Variants in CSMD1 observed in about 807,000 individuals in gnomAD.
CSMD1 encodes the protein CUB and Sushi multiple domains 1.
CSMD1 carries 213 observed loss-of-function variants against 417.5 expected under a neutral mutation model. The observed-to-expected ratio is 0.51, with a 90% CI of 0.46 to 0.57. CSMD1 has a LOEUF of 0.57. Among genes scored for constraint, CSMD1 ranks in the 20% least tolerant of loss-of-function variants. The probability of loss-of-function intolerance (pLI) is 0.00; values close to 1 mark genes in which losing one functional copy is unlikely to be tolerated. For synonymous variants in CSMD1, 2,862 were observed against 1,736.8 expected (o/e 1.65, Z -16.11); for missense variants, 6,923 against 4,529.7 (o/e 1.53, Z -15.17).
chr8:3,549,073 C>G (rs528969323), intron 10 of CSMD1, among the ~76,000 whole-genome samples: 112 of 152,326 alleles, frequency 7.4e-4, no homozygotes, highest in Middle Eastern at 3.4e-3. Context: ...CCACTTCCCT[C>G]TGCTGAAGCC....
rs781157638 is a variant in CSMD1 at position 4,601,985 on chromosome 8, C to G, written c.302+35357G>C. ...TCCTCAGAGCCAGCAACTGTACTCT[C>G]TGAAAGCTTTTATCTTTACCTTCCA... On this transcript the variant is annotated intron_variant, in intron 2 of 69. Transcript: ENST00000635120. 8.9e-4 allele frequency among the ~76,000 whole-genome samples: 135 copies of G among 152,142 alleles called. 1 individual carries two copies. Among genetic ancestry groups the G allele is most frequent in the Admixed American group, 2.6e-4 (4 of 15,282 alleles).
intron 3 of CSMD1, among the ~76,000 whole-genome samples, chr8:4,113,084 G>C (rs1012707761): frequency 6.6e-6 from 1 of 152,278 alleles, no homozygotes; most frequent in Middle Eastern, 3.4e-3. Context: ...GTAAGACAGT[G>C]AACTTAAATG....
intron 1 of CSMD1, among the ~76,000 whole-genome samples, chr8:4,816,848 A>C (rs1034193934): frequency 3.9e-5 from 6 of 152,156 alleles, no homozygotes; most frequent in African/African-American, 1.4e-4. Context: ...AATGGTATAC[A>C]GGAAGCAAGT....
chr8:4,318,709 A>G (rs1158907981), intron 3 of CSMD1, among the ~76,000 whole-genome samples: 2 of 38,466 alleles, frequency 5.2e-5, no homozygotes, highest in Non-Finnish European at 1.8e-4. Context: ...TTATTTTAAA[A>G]TCTCAAAAAA....
chr8:4,857,730 T>C (rs568540143), intron 1 of CSMD1, among the ~76,000 whole-genome samples: 1 of 152,122 alleles, frequency 6.6e-6, no homozygotes, highest in Non-Finnish European at 1.5e-5. Flanking sequence ...GTTGAATCTC[T>C]GAATAGACCA....
intron 5 of CSMD1, among the ~76,000 whole-genome samples, chr8:3,854,255 A>C (rs916640411): frequency 6.6e-6 from 1 of 151,080 alleles, no homozygotes; most frequent in African/African-American, 2.4e-5. Flanking sequence ...GGAGTAATAC[A>C]TTTAACTCCA....
At chr8:4,109,060 G>C (rs565839441) in intron 3 of CSMD1, among the ~76,000 whole-genome samples, 1 of 152,096 alleles carries the variant, frequency 6.6e-6, no homozygotes, top group East Asian at 1.9e-4. Context: ...ATATAAAATG[G>C]CATAGTATTT....
At position 3,619,396 on chromosome 8, in the gene CSMD1, A is replaced by C. The variant is rs575793445; in HGVS notation, c.1010-2599T>G. On this transcript the variant is annotated intron_variant, in intron 7 of 69. Coordinates refer to ENST00000635120, the MANE Select transcript of CSMD1 (RefSeq NM_033225.6). The stretch of plus-strand genomic sequence containing the variant: ...CAAATGCTTATTTTTTTTTAACAAA[A>C]ACCACAAGGCATACAAAGAAAGAGG... 3.9e-5 allele frequency among the ~76,000 whole-genome samples: 6 copies of C among 152,214 alleles called. 1 individual carries two copies. The highest frequency in any genetic ancestry group is 2.0e-4 in the Admixed American group (3 of 15,272).
At chr8:4,413,106 C>CA (rs1421729899) in intron 3 of CSMD1, among the ~76,000 whole-genome samples, 2 of 152,120 alleles carry the variant, frequency 1.3e-5, no homozygotes, top group Non-Finnish European at 2.9e-5. Context: ...TCATGGCCCT[C>CA]AAATTAAGAA....
intron 2 of CSMD1, among the ~76,000 whole-genome samples, chr8:4,540,041 C>G (rs112780157): frequency 5.2e-4 from 79 of 152,172 alleles, no homozygotes; most frequent in Non-Finnish European, 9.4e-4. Flanking sequence ...AAGCAGCAAG[C>G]TGAACCTCCC....
intron 2 of CSMD1, among the ~76,000 whole-genome samples, chr8:4,444,510 A>T (rs1410211960): frequency 6.6e-6 from 1 of 152,092 alleles, no homozygotes; most frequent in Non-Finnish European, 1.5e-5. Flanking sequence ...TTTGACAGAC[A>T]AGTTTTTTTA....
intron 12 of CSMD1, among the ~76,000 whole-genome samples, chr8:3,416,488 T>C (rs1189505584): frequency 6.6e-6 from 1 of 152,104 alleles, no homozygotes; most frequent in Non-Finnish European, 1.5e-5. Context: ...TAAGAATGTA[T>C]TCGGTGTATA....
chr8:3,619,929 C>T (rs1449815498), intron 7 of CSMD1, among the ~76,000 whole-genome samples: 1 of 152,054 alleles, frequency 6.6e-6, no homozygotes, highest in Admixed American at 6.6e-5. Flanking sequence ...TAGTGAAACC[C>T]CATTTCTACT....
At chr8:4,710,141 G>A (rs576096905) in intron 1 of CSMD1, among the ~76,000 whole-genome samples, 1 of 152,040 alleles carries the variant, frequency 6.6e-6, no homozygotes, top group Admixed American at 6.5e-5. Flanking sequence ...TTATTCTAAG[G>A]GGGGATTAAT....
intron 3 of CSMD1, among the ~76,000 whole-genome samples, chr8:4,056,390 T>G (rs1216243500): frequency 6.7e-6 from 1 of 150,330 alleles, no homozygotes; most frequent in Non-Finnish European, 1.5e-5. Flanking sequence ...GCCATATTGG[T>G]GAATTTCTTT....
rs557223160 is a variant in CSMD1, at chr8:4,104,033, C to T, written c.416-71934G>A. 2.0e-5 allele frequency among the ~76,000 whole-genome samples: 3 copies of T among 152,350 alleles called. No individual in the cohort carries two copies. The South Asian group carries it at 6.2e-4, about 32-fold the overall frequency. The stretch of plus-strand genomic sequence containing the variant: ...TGCACAGGCCTGTCCCTGCCCCAGC[C>T]TGGCCCTTCTGGGCATTACTCAAGT... On this transcript the variant is annotated intron_variant, in intron 3 of 69. Transcript: ENST00000635120.
chr8:3,633,335 C>T (rs932324494), intron 7 of CSMD1, among the ~76,000 whole-genome samples: 3 of 152,140 alleles, frequency 2.0e-5, no homozygotes, highest in Non-Finnish European at 4.4e-5. Flanking sequence ...CTCAGAGGTG[C>T]ACTGTGTCAA....
At chr8:3,085,051 T>C (rs1292324665) in intron 49 of CSMD1, among the ~76,000 whole-genome samples, 1 of 152,146 alleles carries the variant, frequency 6.6e-6, no homozygotes, top group Non-Finnish European at 1.5e-5. Context: ...ATATAGATTC[T>C]TTCAGAATTA....
chr8:3,311,216 T>C (rs1805318075), intron 23 of CSMD1, among the ~76,000 whole-genome samples: 1 of 152,180 alleles, frequency 6.6e-6, no homozygotes, highest in Non-Finnish European at 1.5e-5. Context: ...TATAAGAAAT[T>C]GTTGACATGA....
Sources: allele counts gnomAD v4.1 joint callset (sites outside exome capture counted in the v4.1 genomes callset), GRCh38; gene constraint gnomAD v4.1.1; transcripts MANE v1.5; gene names NCBI Gene and HGNC (gene_info 2026-07-23, HGNC 2026-07-21).